Variants in NASP observed in about 807,000 individuals in gnomAD.
The protein encoded by NASP is nuclear autoantigenic sperm protein.
A neutral mutation model predicts 89.5 loss-of-function variants in NASP; 24 were observed. The ratio of observed to expected loss-of-function variants is 0.27; its 90% CI spans 0.19 to 0.38. NASP has a LOEUF of 0.38. Among genes scored for constraint, NASP ranks in the 10% least tolerant of loss-of-function variants. The pLI is 1.00. For synonymous variants in NASP, 306 were observed against 324.7 expected, an observed-to-expected ratio of 0.94 and a Z score of 0.62; for missense variants, 848 against 921.4, an observed-to-expected ratio of 0.92 and a Z score of 1.03.
At chr1:45,587,688 A>ATATATATATATATATATATATCT (rs1553169240) in intron 1 of NASP, among the ~76,000 whole-genome samples, 1 of 17,476 alleles carries the variant, frequency 5.7e-5, no homozygotes, top group Non-Finnish European at 1.4e-4. Flanking sequence ...ATATATATAT[A>ATATATATATATATATATATATCT]ATTAATTTTT....
At chr1:45,606,708 T>C in intron 5 of NASP, 117 bp downstream of exon 5, 1 of 621,950 alleles carries the variant, frequency 1.6e-6, no homozygotes, top group Non-Finnish European at 2.8e-6. Flanking sequence ...CTTGGGGTGA[T>C]GATGCCTGCA....
intron 14 of NASP, 147 bp downstream of exon 14, chr1:45,617,738 G>GA: frequency 2.9e-6 from 3 of 1,042,870 alleles, no homozygotes; most frequent in Non-Finnish European, 4.1e-6. Flanking sequence ...ACTTGTGCAG[G>GA]AAAACAGTTT....
At chr1:45,604,833 G>C (rs1386157029) in intron 3 of NASP, 103 bp from the exon 4 acceptor site, 1 of 876,894 alleles carries the variant, frequency 1.1e-6, no homozygotes, top group African/African-American at 1.7e-5. Context: ...TGGTTTTCTA[G>C]GAGTATGTTA....
At position 45,616,685 on chromosome 1, in the gene NASP, C is replaced by T; in HGVS notation, c.2139C>T (p.Ser713=). 2 of 1,613,826 alleles carry T rather than the reference C, an allele frequency of 1.2e-6. No individual in the cohort carries two copies. The highest frequency in any genetic ancestry group is 2.2e-5 in the South Asian group (2 of 91,080). Residue 713 remains serine, a synonymous_variant, in exon 13 of 15, where the codon TCC becomes TCT. Transcript: ENST00000350030. ...ASSSNCVTDI[S]HLVRKKRKPE... ...CATCAAATTGTGTGACTGATATTTC[C>T]CACCTTGTCAGAAAGAAGGTAAGTC...
rs964367267 is a variant in NASP, at chr1:45,589,424, C to G, written c.60-1799C>G. Reference sequence around the variant, plus strand: ...ACAGGAGAGAGCCACTGCACCCAGTCTGGTTTCTGGGTTTAAAACGGCCTT... The same window carrying G: ...ACAGGAGAGAGCCACTGCACCCAGTGTGGTTTCTGGGTTTAAAACGGCCTT... On this transcript the variant is annotated intron_variant, in intron 1 of 14. Transcript: ENST00000350030. Among the ~76,000 whole-genome samples, 10 of 152,144 alleles carry G rather than the reference C, an allele frequency of 6.6e-5. No homozygotes were observed. The East Asian group carries it at 1.3e-3, about 20-fold the overall frequency.
intron 1 of NASP, among the ~76,000 whole-genome samples, chr1:45,586,133 T>C (rs1644530486): frequency 6.9e-6 from 1 of 145,296 alleles, no homozygotes; most frequent in South Asian, 2.1e-4. Flanking sequence ...AAGCTAAAAC[T>C]GAGCAATTAT....
Position 45,618,688 on chromosome 1 carries a change from TAAG to T in NASP, c.*548_*550del, listed in dbSNP as rs1457767987. 3 of 154,056 alleles carry T rather than the reference TAAG, an allele frequency of 1.9e-5. No individual in the cohort carries two copies. Among genetic ancestry groups the T allele is most frequent in the African/African-American group, 7.2e-5 (3 of 41,464 alleles). The allele number at this position is 154,056 out of a possible 1,614,324, so 9.5% of individuals were successfully genotyped here. Reference sequence around the variant, plus strand: ...AAACCTGGGTCAGGGGAATGATTCCTAAGGAAAACGGTCTGCATTTGAGCTCTG... The same window carrying T: ...AAACCTGGGTCAGGGGAATGATTCCTGAAAACGGTCTGCATTTGAGCTCTG... On this transcript the variant is annotated 3_prime_UTR_variant, in exon 15 of 15. Coordinates refer to ENST00000350030, the MANE Select transcript of NASP (RefSeq NM_002482.4).
chr1:45,594,142 A>G (rs1643626117), intron 2 of NASP, among the ~76,000 whole-genome samples: 2 of 148,200 alleles, frequency 1.3e-5, no homozygotes, highest in South Asian at 2.2e-4. Context: ...CCTGGCCAAC[A>G]TGGTGAAACC....
chr1:45,594,215 G>C (rs540220495), intron 2 of NASP, among the ~76,000 whole-genome samples: 1 of 151,906 alleles, frequency 6.6e-6, no homozygotes, highest in Non-Finnish European at 1.5e-5. Context: ...TGTAATTCCA[G>C]CTACTTGGGA....
intron 2 of NASP, among the ~76,000 whole-genome samples, chr1:45,593,140 A>G (rs146111561): frequency 3.3e-5 from 5 of 152,326 alleles, no homozygotes; most frequent in African/African-American, 4.8e-5. Context: ...TAGCATTCCT[A>G]TGTATGATGT....
chr1:45,595,675 T>G (rs1429547438), intron 2 of NASP, among the ~76,000 whole-genome samples: 1 of 152,242 alleles, frequency 6.6e-6, no homozygotes, highest in East Asian at 1.9e-4. Flanking sequence ...TGCTGTTACC[T>G]TAACATAAAT....
In NASP at chr1:45,615,318, G is replaced by T. The variant is rs747798807; in HGVS notation, c.1869G>T (p.Glu623Asp). The T allele has an allele frequency of 7.4e-6, 12 of 1,613,924 alleles. No homozygotes were observed. The highest frequency in any genetic ancestry group is 1.0e-5 in the Non-Finnish European group (12 of 1,179,976). The stretch of plus-strand genomic sequence containing the variant: ...TATTCTTTTTAGCTGTACTAAACGA[G>T]CAGGTGAAGGAGGCTGAAGGATCGT... ...VIENRMAVLN[E>D]QVKEAEGSSA... is the part of the protein sequence containing the mutation. Residue 623 changes from glutamate (E) to aspartate (D), a missense_variant, in exon 11 of 15, where the codon GAG becomes GAT. By Grantham distance (45) the Glu-to-Asp change is conservative. Coordinates refer to ENST00000350030, the MANE Select transcript of NASP (RefSeq NM_002482.4).
rs147236886 is a variant in NASP, at chr1:45,614,414, G to C, written c.1666+48G>C. The stretch of plus-strand genomic sequence containing the variant: ...CTCTCCTACTCTCTTCAGCTCCCTC[G>C]TTCTTCCTCTAATAGATTCTCTGGA... On this transcript the variant is annotated intron_variant, in intron 9 of 14. Transcript: ENST00000350030. 3 of 1,410,506 alleles carry C rather than the reference G, an allele frequency of 2.1e-6. No homozygotes were observed. In the Admixed American group the frequency reaches 5.0e-5, roughly 24 times the overall value. 87.4% of individuals were successfully genotyped at this position (1,410,506 alleles called of 1,614,324 possible). A position where few individuals can be genotyped will look rare whatever the true frequency, so the allele number is the denominator to read the frequency against.
At chr1:45,612,289 T>C (rs1358335334) in intron 6 of NASP, 1 of 152,204 alleles carries the variant, frequency 6.6e-6, no homozygotes, top group African/African-American at 2.4e-5. Flanking sequence ...TATATTCCCA[T>C]AGTAAGAGTG....
At chr1:45,590,567 A>AG (rs1643515993) in intron 1 of NASP, among the ~76,000 whole-genome samples, 1 of 150,660 alleles carries the variant, frequency 6.6e-6, no homozygotes, top group Non-Finnish European at 1.5e-5. Context: ...AAAAAAAAAA[A>AG]GAAAAGAAAT....
rs2148379332 is a variant in NASP at position 45,618,234 on chromosome 1, A to AG, written c.*94dup. 1 of 1,043,520 alleles carries AG rather than the reference A, an allele frequency of 9.6e-7. No individual in the cohort carries two copies. Among genetic ancestry groups the AG allele is most frequent in the South Asian group, 1.5e-5 (1 of 68,772 alleles). 64.6% of individuals were successfully genotyped at this position (1,043,520 alleles called of 1,614,324 possible). On this transcript the variant is annotated 3_prime_UTR_variant, in exon 15 of 15. Transcript: ENST00000350030. ...GATTCTTTTTGTATAACTTCAATAAAGATTGTAAGCAAAGGTTGAGGCTTT... is the reference window on the plus strand; with the variant it reads ...GATTCTTTTTGTATAACTTCAATAAAGGATTGTAAGCAAAGGTTGAGGCTTT...
intron 1 of NASP, among the ~76,000 whole-genome samples, chr1:45,587,089 C>T (rs75394025): frequency 6.6e-6 from 1 of 152,178 alleles, no homozygotes; most frequent in African/African-American, 2.4e-5. Context: ...TGGCTTTTGT[C>T]CCCTCGTGCC....
At chr1:45,605,945 T>C (rs1266149575) in intron 4 of NASP, among the ~76,000 whole-genome samples, 1 of 151,890 alleles carries the variant, frequency 6.6e-6, no homozygotes, top group Non-Finnish European at 1.5e-5. Context: ...TCCAGCTAAT[T>C]TTGTATTTTT....
intron 2 of NASP, among the ~76,000 whole-genome samples, chr1:45,601,191 T>C (rs772723009): frequency 2.0e-5 from 3 of 152,206 alleles, no homozygotes; most frequent in Non-Finnish European, 4.4e-5. Context: ...ATTGATTTTT[T>C]TTCCTCTTGT....
Sources: gnomAD v4.1 joint callset for allele counts (sites outside exome capture counted in the v4.1 genomes callset) on GRCh38, gnomAD v4.1.1 for gene constraint, MANE v1.5 for transcripts, NCBI Gene and HGNC (gene_info 2026-07-23, HGNC 2026-07-21) for gene names.